PTPRT: variants seen among roughly 807,000 people sequenced by gnomAD.
PTPRT encodes receptor-type tyrosine-protein phosphatase T.
In PTPRT, 56 loss-of-function variants were observed where a neutral mutation model predicts 176.8. That is an observed-to-expected ratio of 0.32 (90% confidence interval 0.26 to 0.40). The LOEUF is 0.40. Among genes scored for constraint, PTPRT ranks in the 10% least tolerant of loss-of-function variants. The pLI is 1.00. For synonymous variants in PTPRT, 783 were observed against 739.0 expected, an observed-to-expected ratio of 1.06 and a Z score of -0.96; for missense variants, 1,540 against 1,908.2, an observed-to-expected ratio of 0.81 and a Z score of 3.60.
chr20:42,561,707 G>C (rs1312699823), intron 7 of PTPRT, among the ~76,000 whole-genome samples: 1 of 152,192 alleles, frequency 6.6e-6, no homozygotes, highest in African/African-American at 2.4e-5. Flanking sequence ...ATGTGCTAAA[G>C]GAGTGAGGGA....
intron 1 of PTPRT, among the ~76,000 whole-genome samples, chr20:43,104,716 C>A (rs954757813): frequency 6.6e-6 from 1 of 152,190 alleles, no homozygotes; most frequent in Admixed American, 6.5e-5. Flanking sequence ...ACTAACATGG[C>A]AGACAGACTG....
At chr20:42,368,970 C>CT (rs948156858) in intron 9 of PTPRT, among the ~76,000 whole-genome samples, 3 of 151,850 alleles carry the variant, frequency 2.0e-5, no homozygotes, top group Non-Finnish European at 4.4e-5. Flanking sequence ...GAGTCTGGTT[C>CT]TTTTTTTTCT....
At chr20:42,841,770 A>G (rs1392375831) in intron 2 of PTPRT, among the ~76,000 whole-genome samples, 4 of 152,186 alleles carry the variant, frequency 2.6e-5, no homozygotes, top group Admixed American at 1.3e-4. Flanking sequence ...GAGATATATC[A>G]CACATGTGGG....
At chr20:42,121,698 TATA>T (rs953907748) in intron 19 of PTPRT, among the ~76,000 whole-genome samples, 4 of 14,214 alleles carry the variant, frequency 2.8e-4, no homozygotes, top group Admixed American at 1.3e-3. Context: ...AGAAATTTTT[TATA>T]TATATATATA....
At chr20:42,470,983 A>G (rs947180359) in intron 8 of PTPRT, among the ~76,000 whole-genome samples, 1 of 152,000 alleles carries the variant, frequency 6.6e-6, no homozygotes, top group South Asian at 2.1e-4. Context: ...TCAGGTCTCT[A>G]TCTTGAGTTA....
chr20:42,063,093 G>C, the PTPRT span, among the ~76,000 whole-genome samples: 1 of 152,172 alleles, frequency 6.6e-6, no homozygotes, highest in African/African-American at 2.4e-5. Flanking sequence ...CATATTCCTA[G>C]TTTCAGATCT....
chr20:42,343,865 T>C (rs2058148395), intron 11 of PTPRT, among the ~76,000 whole-genome samples: 1 of 152,174 alleles, frequency 6.6e-6, no homozygotes, highest in Non-Finnish European at 1.5e-5. Flanking sequence ...TTAGAGCCAC[T>C]CTTTGCCTCA....
chr20:42,798,212 A>T (rs572754677), intron 2 of PTPRT, among the ~76,000 whole-genome samples: 1 of 152,324 alleles, frequency 6.6e-6, no homozygotes, highest in Non-Finnish European at 1.5e-5. Context: ...AATGTCCAGG[A>T]AACAGGCACT....
intron 2 of PTPRT, among the ~76,000 whole-genome samples, chr20:42,819,789 A>G: frequency 6.6e-6 from 1 of 152,322 alleles, no homozygotes; most frequent in East Asian, 1.9e-4. Context: ...CTCTGATAAA[A>G]AAGACTTTAA....
At chr20:42,262,434 G>C (rs2056765664) in intron 13 of PTPRT, among the ~76,000 whole-genome samples, 1 of 152,208 alleles carries the variant, frequency 6.6e-6, no homozygotes, top group Non-Finnish European at 1.5e-5. Context: ...GAGACACTGG[G>C]CTCAGCAAGA....
At chr20:42,552,539 T>C (rs577759532) in intron 7 of PTPRT, among the ~76,000 whole-genome samples, 1 of 152,204 alleles carries the variant, frequency 6.6e-6, no homozygotes, top group South Asian at 2.1e-4. Context: ...AATATAAAAT[T>C]TTTTGCACGA....
intron 1 of PTPRT, among the ~76,000 whole-genome samples, chr20:43,164,935 G>A (rs893200876): frequency 3.3e-5 from 5 of 152,018 alleles, no homozygotes; most frequent in African/African-American, 4.8e-5. Flanking sequence ...CAGTTTTCTG[G>A]CTCCTAGGCT....
intron 16 of PTPRT, among the ~76,000 whole-genome samples, chr20:42,176,832 A>C (rs1990311502): frequency 6.6e-6 from 1 of 152,236 alleles, no homozygotes; most frequent in Non-Finnish European, 1.5e-5. Context: ...ACTTGTCTGA[A>C]AGATGAAATT....
At chr20:42,922,029 G>A (rs1017172042) in intron 1 of PTPRT, among the ~76,000 whole-genome samples, 3 of 152,084 alleles carry the variant, frequency 2.0e-5, no homozygotes, top group Non-Finnish European at 4.4e-5. Flanking sequence ...TCTGCCTCCC[G>A]GGTTCAAGCA....
chr20:42,102,977 C>CA (rs1239544871), intron 25 of PTPRT, among the ~76,000 whole-genome samples: 12 of 152,206 alleles, frequency 7.9e-5, no homozygotes, highest in Non-Finnish European at 1.3e-4. Flanking sequence ...GTCTCTACTT[C>CA]AGATCAATAA....
chr20:42,826,277 TG>T (rs2077991586), intron 2 of PTPRT, among the ~76,000 whole-genome samples: 1 of 152,186 alleles, frequency 6.6e-6, no homozygotes, highest in African/African-American at 2.4e-5. Context: ...GGCTTATCTT[TG>T]GAAAAATTTA....
intron 7 of PTPRT, among the ~76,000 whole-genome samples, chr20:42,620,409 GC>G (rs1600485197): frequency 6.7e-6 from 1 of 149,844 alleles, no homozygotes; most frequent in Non-Finnish European, 1.5e-5. Flanking sequence ...TCTGTGCCCT[GC>G]CCCCAGAGGT....
At chr20:43,050,704 T>C (rs1987009166) in intron 1 of PTPRT, among the ~76,000 whole-genome samples, 1 of 152,224 alleles carries the variant, frequency 6.6e-6, no homozygotes, top group Non-Finnish European at 1.5e-5. Context: ...CATGTGACTA[T>C]TATAACCCAA....
At chr20:42,935,058 C>A (rs1435817660) in intron 1 of PTPRT, among the ~76,000 whole-genome samples, 25 of 131,568 alleles carry the variant, frequency 1.9e-4, no homozygotes, top group Non-Finnish European at 3.3e-4. Context: ...GCCTGGGCAA[C>A]AGAGCAAGAC....
Sources: gnomAD v4.1 joint callset for allele counts (sites outside exome capture counted in the v4.1 genomes callset) on GRCh38, gnomAD v4.1.1 for gene constraint, MANE v1.5 for transcripts, NCBI Gene and HGNC (gene_info 2026-07-23, HGNC 2026-07-21) for gene names.